ADAMTS9: variants seen among roughly 807,000 people sequenced by gnomAD.
The protein encoded by ADAMTS9 is ADAM metallopeptidase with thrombospondin type 1 motif 9.
ADAMTS9 carries 107 observed loss-of-function variants against 257.1 expected under a neutral mutation model. The observed-to-expected ratio is 0.42, with a 90% CI of 0.36 to 0.49. The LOEUF (loss-of-function observed/expected upper bound fraction) is 0.49, where lower values mean the gene tolerates loss of function less well. ADAMTS9 is among the 20% of genes least tolerant of loss of function. The pLI, the probability that ADAMTS9 is intolerant of heterozygous loss-of-function variation, is 0.03. For synonymous variants in ADAMTS9, 982 were observed against 880.9 expected, an observed-to-expected ratio of 1.11 and a Z score of -2.03; for missense variants, 2,353 against 2,469.1, an observed-to-expected ratio of 0.95 and a Z score of 1.00.
chr3:64,594,344 T>G lies in ADAMTS9; in HGVS notation c.4270A>C (p.Ile1424Leu). ...TCACGATCGGGAGGTTTATCAAGAATTTCACAGCTCAAATCTGGAAACCGT... is the reference window on the plus strand; with the variant it reads ...TCACGATCGGGAGGTTTATCAAGAAGTTCACAGCTCAAATCTGGAAACCGT... ...GERFPDLSCE[I>L]LDKPPDREQC... The change falls in exon 28 of 40, where the codon ATT (isoleucine) becomes CTT (leucine). Residue 1424 changes from isoleucine (I) to leucine (L), a missense_variant. Physicochemically the swap from Ile to Leu is conservative, Grantham distance 5. Around this residue, in one of 3 missense-constraint regions of ADAMTS9, gnomAD observed 1,402 missense variants for 1,441.4 expected, o/e 0.97. Coordinates refer to ENST00000498707, the MANE Select transcript of ADAMTS9 (RefSeq NM_182920.2). 5 of 1,614,042 alleles carry G rather than the reference T, an allele frequency of 3.1e-6. No individual in the cohort carries two copies. Among genetic ancestry groups the G allele is most frequent in the Non-Finnish European group, 3.4e-6 (4 of 1,179,958 alleles).
At chr3:64,524,062 G>A (rs112674810) in intron 38 of ADAMTS9, among the ~76,000 whole-genome samples, 28 of 152,120 alleles carry the variant, frequency 1.8e-4, no homozygotes, top group Admixed American at 5.9e-4. Flanking sequence ...CACAAGTAAC[G>A]TTAGATTGTT....
rs765935409 is a variant in ADAMTS9, at chr3:64,621,145, T to C, written c.2782A>G (p.Thr928Ala). The change falls in exon 19 of 40, where the codon ACT (threonine) becomes GCT (alanine). Residue 928 changes from threonine (T) to alanine (A), a missense_variant. Coordinates refer to ENST00000498707, the MANE Select transcript of ADAMTS9 (RefSeq NM_182920.2). ...TCACAGTCTGTACCACAGGGTTCAG[T>C]AATGTGTCCAGGCTGGGGCAGCCGA... Reference protein sequence around the residue: ...CDRLPQPGHITEPCGTDCDLR... With the variant: ...CDRLPQPGHIAEPCGTDCDLR... 1.2e-6 allele frequency: 2 copies of C among 1,613,806 alleles called. No homozygotes were observed. Among genetic ancestry groups the C allele is most frequent in the South Asian group, 1.1e-5 (1 of 91,072 alleles).
chr3:64,571,401 T>C (rs559035884), intron 28 of ADAMTS9, among the ~76,000 whole-genome samples: 1 of 152,312 alleles, frequency 6.6e-6, no homozygotes, highest in Admixed American at 6.5e-5. Flanking sequence ...TTGGAAACAA[T>C]AACAGCACAG....
At chr3:64,517,856 C>T (rs1466126050) in intron 39 of ADAMTS9, among the ~76,000 whole-genome samples, 1 of 152,038 alleles carries the variant, frequency 6.6e-6, no homozygotes, top group Non-Finnish European at 1.5e-5. Flanking sequence ...GCCTCCATCC[C>T]ATCTCCTCCT....
intron 3 of ADAMTS9, among the ~76,000 whole-genome samples, chr3:64,678,108 C>A (rs886149361): frequency 2.6e-5 from 4 of 152,212 alleles, no homozygotes; most frequent in African/African-American, 9.6e-5. Flanking sequence ...TAAAGGGTTA[C>A]ACTGAGCTCA....
At chr3:64,665,664 A>G (rs1701336365) in intron 3 of ADAMTS9, among the ~76,000 whole-genome samples, 1 of 152,160 alleles carries the variant, frequency 6.6e-6, no homozygotes, top group Admixed American at 6.5e-5. Context: ...TGAGCTGTAT[A>G]CTCCTAGTGG....
Position 64,603,949 on chromosome 3 carries a change from C to T in ADAMTS9, c.3720G>A (p.Gly1240=), listed in dbSNP as rs2084510771. 3.1e-6 allele frequency: 5 copies of T among 1,613,900 alleles called. No individual in the cohort carries two copies. Among genetic ancestry groups the T allele is most frequent in the Non-Finnish European group, 3.4e-6 (4 of 1,179,978 alleles). Residue 1240 remains glycine, a synonymous_variant, in exon 25 of 40, where the codon GGG becomes GGA. Transcript: ENST00000498707. ...AGCTCCAGTCCAAGGCCTTCCATTG[C>T]CCACAGGGTGTCACAGAACATTCTT... The part of the protein sequence containing the change: ...AKEECSVTPC[G]QWKALDWSSC...
At chr3:64,635,482 C>T (rs1469030871) in intron 12 of ADAMTS9, among the ~76,000 whole-genome samples, 2 of 152,182 alleles carry the variant, frequency 1.3e-5, no homozygotes, top group African/African-American at 4.8e-5. Context: ...ATAACACAGT[C>T]GTGTCTACGT....
intron 19 of ADAMTS9, among the ~76,000 whole-genome samples, chr3:64,618,144 G>A (rs1219427122): frequency 6.6e-6 from 1 of 152,136 alleles, no homozygotes. Context: ...GAATGAGCAT[G>A]CACCTGTCTA....
chr3:64,624,676 T>C (rs1700185961), intron 16 of ADAMTS9, among the ~76,000 whole-genome samples: 1 of 152,248 alleles, frequency 6.6e-6, no homozygotes, highest in South Asian at 2.1e-4. Context: ...TTTGCTATTA[T>C]GTGACTTGAT....
intron 26 of ADAMTS9, 128 bp downstream of exon 26, chr3:64,601,816 C>G: frequency 8.6e-7 from 1 of 1,168,402 alleles, no homozygotes; most frequent in South Asian, 1.6e-5. Context: ...TTACTCAAAG[C>G]AAATGAAAAT....
At chr3:64,624,000 G>C (rs188465891) in intron 16 of ADAMTS9, among the ~76,000 whole-genome samples, 13 of 150,810 alleles carry the variant, frequency 8.6e-5, no homozygotes, top group Admixed American at 6.7e-5. Flanking sequence ...AGTTAGACCA[G>C]TTATGGAATC....
chr3:64,676,724 C>A (rs1701632992), intron 3 of ADAMTS9, among the ~76,000 whole-genome samples: 1 of 152,174 alleles, frequency 6.6e-6, no homozygotes. Context: ...CTATAATAAA[C>A]AACACTGTAC....
chr3:64,574,638 T>C (rs1228277197), intron 28 of ADAMTS9, among the ~76,000 whole-genome samples: 1 of 151,678 alleles, frequency 6.6e-6, no homozygotes, highest in Non-Finnish European at 1.5e-5. Context: ...GCAACTGAGT[T>C]AGGAGCATTG....
intron 30 of ADAMTS9, among the ~76,000 whole-genome samples, chr3:64,561,019 C>T (rs1022551347): frequency 1.3e-5 from 2 of 151,752 alleles, no homozygotes; most frequent in Non-Finnish European, 2.9e-5. Flanking sequence ...AAGGCCTGTC[C>T]ACTTCTGCAC....
rs35102734 is a variant in ADAMTS9 at position 64,650,867 on chromosome 3, C to CT, written c.1463+149dup. 72,124 of 475,132 alleles carry CT rather than the reference C, an allele frequency of 0.15. 6,270 individuals are homozygous for CT. Among genetic ancestry groups the CT allele is most frequent in the Non-Finnish European group, 0.17 (51,175 of 293,238 alleles). 29.4% of individuals were successfully genotyped at this position (475,132 alleles called of 1,614,324 possible). On this transcript the variant is annotated intron_variant, in intron 9 of 39. Coordinates refer to ENST00000498707, the MANE Select transcript of ADAMTS9 (RefSeq NM_182920.2). The stretch of plus-strand genomic sequence containing the variant: ...TATGAACTACACAGATGTCAGAGAG[C>CT]TTTTTTTTTTTTTTTTTGCCTTCTC...
Position 64,541,600 on chromosome 3 carries a change from T to C in ADAMTS9, c.5218A>G (p.Lys1740Glu). Residue 1740 changes from lysine to glutamate, a missense_variant, in exon 34 of 40, where the codon AAG becomes GAG. By Grantham distance (56) the Lys-to-Glu change is moderately conservative. This residue lies in a region of ADAMTS9 where 1,402 missense variants were observed against 1,441.4 expected (regional missense o/e 0.97). Coordinates refer to ENST00000498707, the MANE Select transcript of ADAMTS9 (RefSeq NM_182920.2). Reference protein sequence around the residue: ...VYNCELPQNCKEVKRLKGASE... With the variant: ...VYNCELPQNCEEVKRLKGASE... ...GCACCTTTAAGTCTTTTTACCTCCT[T>C]GCAATTCTGGGGTAACTCACCTAGA... is the stretch of plus-strand genomic sequence containing the variant. The C allele has an allele frequency of 6.2e-7, 1 of 1,614,016 alleles. No homozygotes were observed. Among genetic ancestry groups the C allele is most frequent in the Non-Finnish European group, 8.5e-7 (1 of 1,179,942 alleles).
At chr3:64,620,075 G>A (rs2106857804) in intron 19 of ADAMTS9, among the ~76,000 whole-genome samples, 1 of 151,848 alleles carries the variant, frequency 6.6e-6, no homozygotes, top group South Asian at 2.1e-4. Context: ...TTTCACTAGG[G>A]CAATGAGCTA....
intron 26 of ADAMTS9, among the ~76,000 whole-genome samples, chr3:64,598,043 ATCT>A (rs1461049094): frequency 1.3e-5 from 2 of 152,186 alleles, no homozygotes; most frequent in Non-Finnish European, 2.9e-5. Context: ...CTTGCTGGTC[ATCT>A]TCTTCCGTAT....
Sources: gnomAD v4.1 joint callset for allele counts (sites outside exome capture counted in the v4.1 genomes callset) on GRCh38, gnomAD v4.1.1 for gene constraint, gnomAD v4.1.1 regional missense constraint, MANE v1.5 for transcripts, NCBI Gene and HGNC (gene_info 2026-07-23, HGNC 2026-07-21) for gene names.